The following PAX5 variants were observed in gnomAD, a reference collection of about 807,000 sequenced individuals.
PAX5 encodes paired box 5.
Under a neutral mutation model 43.7 loss-of-function variants are expected in PAX5, and 9 were observed. The observed-to-expected ratio is 0.21, with a 90% CI of 0.12 to 0.36. The LOEUF (loss-of-function observed/expected upper bound fraction) is 0.36, where lower values mean the gene tolerates loss of function less well. Ranked by LOEUF, PAX5 falls within the 10% of genes least tolerant of loss-of-function variation. The pLI is 1.00. For synonymous variants in PAX5, 228 were observed against 214.3 expected (o/e 1.06, Z -0.56); for missense variants, 383 against 532.7 (o/e 0.72, Z 2.77).
At chr9:36,969,172 AACC>A (rs200825235) in intron 5 of PAX5, among the ~76,000 whole-genome samples, 20,022 of 152,118 alleles carry the variant, frequency 0.13, 1,457 homozygotes, top group African/African-American at 0.18. Context: ...AACTCAGTGA[AACC>A]TCCTTCCTGT....
intron 6 of PAX5, among the ~76,000 whole-genome samples, chr9:36,947,992 C>T (rs1054475605): frequency 2.0e-5 from 3 of 152,108 alleles, no homozygotes; most frequent in South Asian, 2.1e-4. Context: ...CCTGAGAATG[C>T]AAATAATAAT....
chr9:36,918,400 C>A (rs1216888703), intron 7 of PAX5, among the ~76,000 whole-genome samples: 1 of 152,188 alleles, frequency 6.6e-6, no homozygotes, highest in South Asian at 2.1e-4. Flanking sequence ...TGGTGGCTTA[C>A]ACCTGTAATC....
intron 6 of PAX5, among the ~76,000 whole-genome samples, chr9:36,924,884 ATTTG>A (rs1200807209): frequency 6.6e-6 from 1 of 151,590 alleles, no homozygotes; most frequent in Non-Finnish European, 1.5e-5. Context: ...AAGCCAACAA[ATTTG>A]TTTGTGCATG....
chr9:37,006,476 T>A lies in PAX5; in HGVS notation c.472A>T (p.Ile158Leu). The change falls in exon 4 of 10, where the codon ATA (isoleucine) becomes TTA (leucine). Residue 158 changes from isoleucine to leucine, a missense_variant. Ile to Leu is a conservative substitution (Grantham distance 5, BLOSUM62 2). This residue lies in a region of PAX5 where 291 missense variants were observed against 342.5 expected (regional missense o/e 0.85). Coordinates refer to ENST00000358127, the MANE Select transcript of PAX5 (RefSeq NM_016734.3). ...TTTTTTTAAAAGTTCCTCTTACCTA[T>A]GCTGTGACTGGAAGCTGGGACTGGT... ...NQPVPASSHS[I>L]VSTGSVTQVS... 1 of 1,613,036 alleles carries A rather than the reference T, an allele frequency of 6.2e-7. No individual in the cohort carries two copies.
intron 6 of PAX5, among the ~76,000 whole-genome samples, chr9:36,956,499 A>G (rs776958850): frequency 1.3e-5 from 2 of 152,164 alleles, no homozygotes; most frequent in African/African-American, 4.8e-5. Context: ...TGCAAAAACC[A>G]TGACCCAGAG....
intron 7 of PAX5, among the ~76,000 whole-genome samples, chr9:36,900,045 G>A (rs1408911506): frequency 6.6e-6 from 1 of 152,194 alleles, no homozygotes; most frequent in African/African-American, 2.4e-5. Context: ...TGTTACCTTG[G>A]ATCTCTCTGC....
intron 1 of PAX5, among the ~76,000 whole-genome samples, chr9:37,026,887 C>T (rs1840439885): frequency 6.6e-6 from 1 of 152,216 alleles, no homozygotes; most frequent in South Asian, 2.1e-4. Flanking sequence ...AAGGCGCCCG[C>T]GGCTTCGGGG....
chr9:36,870,223 T>C (rs1219293129), intron 8 of PAX5, among the ~76,000 whole-genome samples: 1 of 152,190 alleles, frequency 6.6e-6, no homozygotes, highest in Non-Finnish European at 1.5e-5. Context: ...TTATTTATTA[T>C]GTTCAATACA....
chr9:37,032,918 C>T (rs1369955694), intron 1 of PAX5, among the ~76,000 whole-genome samples: 1 of 152,238 alleles, frequency 6.6e-6, no homozygotes, highest in African/African-American at 2.4e-5. Context: ...GAGCTGAATG[C>T]CCAGACTATG....
chr9:36,957,312 T>C (rs1833574453), intron 6 of PAX5, among the ~76,000 whole-genome samples: 1 of 152,194 alleles, frequency 6.6e-6, no homozygotes, highest in Non-Finnish European at 1.5e-5. Flanking sequence ...TGCCAGAAGC[T>C]TCACTTTAGG....
intron 6 of PAX5, among the ~76,000 whole-genome samples, chr9:36,961,749 G>A (rs984503189): frequency 3.9e-5 from 6 of 152,166 alleles, no homozygotes; most frequent in Non-Finnish European, 7.3e-5. Flanking sequence ...GCGCTGCGCC[G>A]ACGACAACGT....
chr9:36,968,871 G>T (rs1834680771), intron 5 of PAX5, among the ~76,000 whole-genome samples: 1 of 152,146 alleles, frequency 6.6e-6, no homozygotes, highest in Non-Finnish European at 1.5e-5. Flanking sequence ...CCATTGGTCA[G>T]CACCCACCAA....
At chr9:36,984,630 T>C (rs1350357513) in intron 5 of PAX5, among the ~76,000 whole-genome samples, 1 of 151,392 alleles carries the variant, frequency 6.6e-6, no homozygotes, top group African/African-American at 2.4e-5. Context: ...TTAGTAGAGG[T>C]TTTTTGTATT....
At chr9:36,892,442 C>A (rs1198819887) in intron 7 of PAX5, among the ~76,000 whole-genome samples, 1 of 152,220 alleles carries the variant, frequency 6.6e-6, no homozygotes, top group Non-Finnish European at 1.5e-5. Flanking sequence ...TATGTATTAT[C>A]TCATTTAAGT....
Position 36,882,252 on chromosome 9 carries a change from T to C in PAX5, c.911-147A>G. On this transcript the variant is annotated intron_variant, in intron 7 of 9. Coordinates refer to ENST00000358127, the MANE Select transcript of PAX5 (RefSeq NM_016734.3). The surrounding 1 kb of genome is among the most constrained non-coding windows in gnomAD (Gnocchi z 4.4). ...CAGCTCCCCCCTGTCGCTCACACGCTCTCACAAACACACATACACACACAC... is the reference window on the plus strand; with the variant it reads ...CAGCTCCCCCCTGTCGCTCACACGCCCTCACAAACACACATACACACACAC... 1.7e-6 allele frequency: 1 copy of C among 598,406 alleles called. No individual in the cohort carries two copies. The highest frequency in any genetic ancestry group is 2.9e-6 in the Non-Finnish European group (1 of 340,148). The allele number at this position is 598,406 out of a possible 1,614,324, so 37.1% of individuals were successfully genotyped here. A position where few individuals can be genotyped will look rare whatever the true frequency, so the allele number is the denominator to read the frequency against.
At chr9:36,996,986 A>G (rs899144015) in intron 5 of PAX5, among the ~76,000 whole-genome samples, 2 of 152,222 alleles carry the variant, frequency 1.3e-5, no homozygotes, top group Non-Finnish European at 2.9e-5. Context: ...ACACAGAGGA[A>G]GGTTCAATAA....
At chr9:36,885,014 C>A (rs1302056505) in intron 7 of PAX5, among the ~76,000 whole-genome samples, 1 of 152,234 alleles carries the variant, frequency 6.6e-6, no homozygotes, top group African/African-American at 2.4e-5. Flanking sequence ...TTTACGCAGG[C>A]ACAGTCCCCA....
At position 36,881,996 on chromosome 9, in the gene PAX5, A is replaced by C; in HGVS notation, c.1012+8T>G. 6.2e-7 allele frequency: 1 copy of C among 1,605,728 alleles called. No individual in the cohort carries two copies. The highest frequency in any genetic ancestry group is 8.5e-7 in the Non-Finnish European group (1 of 1,175,792). On this transcript the variant is annotated splice_region_variant and intron_variant, in intron 8 of 9. Coordinates refer to ENST00000358127, the MANE Select transcript of PAX5 (RefSeq NM_016734.3). ...CCTGCTGTGGAGACGCCGACAGTGC[A>C]AACTCACCAGGCACCATCCCTGTCA...
chr9:36,876,889 A>G (rs187994157), intron 8 of PAX5, among the ~76,000 whole-genome samples: 1 of 152,358 alleles, frequency 6.6e-6, no homozygotes, highest in East Asian at 1.9e-4. Context: ...CAAGCTGAAC[A>G]TGAGTCCAAG....
Sources: gnomAD v4.1 joint callset for allele counts (sites outside exome capture counted in the v4.1 genomes callset) on GRCh38, gnomAD v4.1.1 for gene constraint, gnomAD v4.1.1 regional missense constraint, Gnocchi (gnomAD v3.1) non-coding constraint, MANE v1.5 for transcripts, NCBI Gene and HGNC (gene_info 2026-07-23, HGNC 2026-07-21) for gene names.